The following ADARB2 variants were observed in gnomAD, a reference collection of about 807,000 sequenced individuals.
ADARB2 encodes adenosine deaminase RNA specific B2 (inactive), also known as inactive double-stranded RNA-specific editase B2.
In ADARB2, 25 loss-of-function variants were observed where a neutral mutation model predicts 62.2. The observed-to-expected ratio is 0.40, with a 90% CI of 0.29 to 0.56. ADARB2 has a LOEUF of 0.56. ADARB2 is among the 20% of genes least tolerant of loss of function. The pLI, the probability that ADARB2 is intolerant of heterozygous loss-of-function variation, is 0.43. For synonymous variants in ADARB2, 572 were observed against 500.8 expected (o/e 1.14, Z -1.90); for missense variants, 1,071 against 1,077.4 (o/e 0.99, Z 0.08).
intron 1 of ADARB2, among the ~76,000 whole-genome samples, chr10:1,666,165 G>A (rs1834313846): frequency 6.6e-6 from 1 of 152,248 alleles, no homozygotes; most frequent in African/African-American, 2.4e-5. Flanking sequence ...GTGCGCACAA[G>A]GGTTCAGGGC....
intron 1 of ADARB2, among the ~76,000 whole-genome samples, chr10:1,547,038 G>A (rs577326193): frequency 9.2e-5 from 14 of 152,352 alleles, no homozygotes; most frequent in Admixed American, 6.5e-5. Flanking sequence ...GAAGCCATTC[G>A]TCGAGAGCGG....
At chr10:1,321,350 G>A (rs1831793144) in intron 3 of ADARB2, among the ~76,000 whole-genome samples, 1 of 152,116 alleles carries the variant, frequency 6.6e-6, no homozygotes. Flanking sequence ...TGCACTGCCT[G>A]CCATCCTCAG....
chr10:1,336,619 A>T (rs934818557), intron 3 of ADARB2, among the ~76,000 whole-genome samples: 1 of 152,048 alleles, frequency 6.6e-6, no homozygotes, highest in African/African-American at 2.4e-5. Context: ...GACCTTTGCA[A>T]CTCTACTTAG....
At chr10:1,463,141 C>T (rs142073014) in intron 1 of ADARB2, among the ~76,000 whole-genome samples, 7 of 152,092 alleles carry the variant, frequency 4.6e-5, no homozygotes, top group Middle Eastern at 3.4e-3. Flanking sequence ...GTGCTCTCCA[C>T]GTGATGAGTG....
At chr10:1,315,364 C>T (rs568687280) in intron 3 of ADARB2, among the ~76,000 whole-genome samples, 53 of 152,354 alleles carry the variant, frequency 3.5e-4, no homozygotes, top group African/African-American at 1.2e-3. Context: ...GCACCCAGCA[C>T]GGCTGAGTGA....
intron 6 of ADARB2, among the ~76,000 whole-genome samples, chr10:1,221,217 C>G (rs370709410): frequency 1.3e-5 from 2 of 152,068 alleles, no homozygotes; most frequent in East Asian, 3.9e-4. Flanking sequence ...GAACCTCAAA[C>G]TCCTGACTGC....
At chr10:1,478,405 G>A (rs1377082603) in intron 1 of ADARB2, among the ~76,000 whole-genome samples, 2 of 152,138 alleles carry the variant, frequency 1.3e-5, no homozygotes, top group African/African-American at 4.8e-5. Flanking sequence ...CACTTCCTTA[G>A]TATCTCCGTT....
At chr10:1,617,267 C>T (rs78380991) in intron 1 of ADARB2, among the ~76,000 whole-genome samples, 1,516 of 55,970 alleles carry the variant, frequency 0.027, no homozygotes, top group African/African-American at 0.084. Context: ...CCTCAGAGGG[C>T]TGCATTCTGT....
At chr10:1,585,313 G>A (rs1296707870) in intron 1 of ADARB2, among the ~76,000 whole-genome samples, 3 of 152,126 alleles carry the variant, frequency 2.0e-5, no homozygotes, top group Non-Finnish European at 4.4e-5. Context: ...CTAAGCCAAA[G>A]GGAAAAGTCG....
At chr10:1,665,301 T>C (rs1311323852) in intron 1 of ADARB2, among the ~76,000 whole-genome samples, 1 of 152,256 alleles carries the variant, frequency 6.6e-6, no homozygotes, top group Non-Finnish European at 1.5e-5. Context: ...TTCCAGCTCA[T>C]TGGAAATGCA....
intron 1 of ADARB2, among the ~76,000 whole-genome samples, chr10:1,657,115 C>A (rs954442404): frequency 1.3e-5 from 2 of 151,820 alleles, no homozygotes; most frequent in East Asian, 3.8e-4. Context: ...ACAACGTACA[C>A]CATAGAAAGC....
chr10:1,292,311 C>T (rs1831473559), intron 3 of ADARB2: 1 of 152,162 alleles, frequency 6.6e-6, no homozygotes, highest in South Asian at 2.1e-4. Context: ...AGAGTAGTCA[C>T]AAAATAAATG....
At chr10:1,663,453 C>T (rs954745053) in intron 1 of ADARB2, among the ~76,000 whole-genome samples, 6 of 152,316 alleles carry the variant, frequency 3.9e-5, no homozygotes, top group African/African-American at 1.4e-4. Flanking sequence ...CCTCCCTCCC[C>T]GCCACCCCTG....
intron 2 of ADARB2, among the ~76,000 whole-genome samples, chr10:1,364,198 A>G (rs1280079888): frequency 6.6e-6 from 1 of 152,204 alleles, no homozygotes; most frequent in African/African-American, 2.4e-5. Context: ...TCACAAACAG[A>G]CAAGCGCCCC....
intron 1 of ADARB2, among the ~76,000 whole-genome samples, chr10:1,481,792 G>A (rs958112062): frequency 1.3e-5 from 2 of 148,752 alleles, no homozygotes; most frequent in African/African-American, 5.0e-5. Flanking sequence ...AGGAGGTGAA[G>A]TTTGCAGTGA....
intron 8 of ADARB2, among the ~76,000 whole-genome samples, chr10:1,197,897 C>T (rs1007824788): frequency 6.6e-6 from 1 of 152,164 alleles, no homozygotes; most frequent in Non-Finnish European, 1.5e-5. Flanking sequence ...GTCAAAGTGG[C>T]TATTTCATCT....
intron 8 of ADARB2, among the ~76,000 whole-genome samples, chr10:1,192,623 G>A (rs966550836): frequency 2.6e-5 from 4 of 152,258 alleles, no homozygotes; most frequent in Non-Finnish European, 5.9e-5. Flanking sequence ...AGGATGGACA[G>A]CTGGTTCTTT....
intron 1 of ADARB2, among the ~76,000 whole-genome samples, chr10:1,601,761 T>C: frequency 6.6e-6 from 1 of 152,158 alleles, no homozygotes; most frequent in Non-Finnish European, 1.5e-5. Flanking sequence ...TGCTCCGGGG[T>C]ACTTCCATGC....
At chr10:1,582,604 G>GAT (rs1177377864) in intron 1 of ADARB2, among the ~76,000 whole-genome samples, 16 of 152,150 alleles carry the variant, frequency 1.1e-4, no homozygotes, top group Non-Finnish European at 1.9e-4. Flanking sequence ...TGAATGCAAT[G>GAT]GGTGCACCAA....
Sources: allele counts gnomAD v4.1 joint callset (sites outside exome capture counted in the v4.1 genomes callset), GRCh38; gene constraint gnomAD v4.1.1; transcripts MANE v1.5; gene names NCBI Gene and HGNC (gene_info 2026-07-23, HGNC 2026-07-21).